Variants in RASL10A observed in about 807,000 individuals in gnomAD.
The protein encoded by RASL10A is ras-like protein family member 10A.
RASL10A carries 13 observed loss-of-function variants against 17.3 expected under a neutral mutation model. That is an observed-to-expected ratio of 0.75 (90% confidence interval 0.49 to 1.20). RASL10A has a LOEUF of 1.20. Ranked by LOEUF, RASL10A falls within the 50% of genes most tolerant of loss-of-function variation. The pLI is 0.00. For synonymous variants in RASL10A, 159 were observed against 142.2 expected (o/e 1.12, Z -0.84); for missense variants, 307 against 310.3 (o/e 0.99, Z 0.08).
Position 29,315,001 on chromosome 22 carries a change from GCCCCTGCCCGCTCCTCGAGCCGCTAC to G in RASL10A, c.219+1_219+26del. ...ACGCACACCCCTCACACTGTCACAC[GCCCCTGCCCGCTCCTCGAGCCGCTAC>G]CTCCGGACCCCCGGGGCTCGAGCCG... On this transcript the variant is annotated splice_donor_variant and splice_donor_5th_base_variant and intron_variant, in intron 1 of 2. Coordinates refer to ENST00000216101, the MANE Select transcript of RASL10A (RefSeq NM_006477.5). LOFTEE classifies it high-confidence loss of function. This position sits in a 1 kb window ranked among gnomAD's most constrained non-coding sequence, Gnocchi z 5.5. 1 of 1,452,328 alleles carries G rather than the reference GCCCCTGCCCGCTCCTCGAGCCGCTAC, an allele frequency of 6.9e-7. No homozygotes were observed. Among genetic ancestry groups the G allele is most frequent in the Non-Finnish European group, 9.1e-7 (1 of 1,104,590 alleles). 90.0% of individuals were successfully genotyped at this position (1,452,328 alleles called of 1,614,324 possible). A position where few individuals can be genotyped will look rare whatever the true frequency, so the allele number is the denominator to read the frequency against.
upstream of RASL10A, among the ~76,000 whole-genome samples, chr22:29,318,322 G>A (rs768780304): frequency 8.5e-5 from 13 of 152,222 alleles, no homozygotes; most frequent in Non-Finnish European, 1.3e-4. Flanking sequence ...TCCCTGGGAC[G>A]CCATGATTGG....
upstream of RASL10A, among the ~76,000 whole-genome samples, chr22:29,318,446 G>T (rs2061462934): frequency 6.6e-6 from 1 of 152,222 alleles, no homozygotes; most frequent in Admixed American, 6.5e-5. Flanking sequence ...TTCTCAGGAA[G>T]TACTCAACTG....
upstream of RASL10A, among the ~76,000 whole-genome samples, chr22:29,316,563 G>A (rs535564287): frequency 1.0e-3 from 157 of 152,256 alleles, 1 homozygote; most frequent in Non-Finnish European, 1.2e-3. Context: ...CCCCTCCCTC[G>A]AGCTAGTGGA....
At chr22:29,314,108 C>T in intron 1 of RASL10A, 121 bp from the exon 2 acceptor site, 1 of 1,358,926 alleles carries the variant, frequency 7.4e-7, no homozygotes, top group South Asian at 1.4e-5. Context: ...ACCTCTGTGC[C>T]CCTCCCCCAA....
intron 1 of RASL10A, 135 bp downstream of exon 1, chr22:29,314,893 C>G (rs748091052): frequency 2.3e-4 from 168 of 732,294 alleles, no homozygotes; most frequent in Non-Finnish European, 3.2e-4. Flanking sequence ...CGCAAGTATC[C>G]CAGGACGCAC....
At chr22:29,318,979 G>A (rs147460594), upstream of RASL10A, among the ~76,000 whole-genome samples, 149 of 152,308 alleles carry the variant, frequency 9.8e-4, no homozygotes, top group African/African-American at 3.5e-3. Flanking sequence ...GTAAGCACCA[G>A]TCCAGCGGGA....
At position 29,313,896 on chromosome 22, in the gene RASL10A, A is replaced by AC; in HGVS notation, c.310dup (p.Val104GlyfsTer157). 2 of 1,613,938 alleles carry AC rather than the reference A, an allele frequency of 1.2e-6. No homozygotes were observed. Among genetic ancestry groups the AC allele is most frequent in the Non-Finnish European group, 1.7e-6 (2 of 1,180,018 alleles). Reference sequence around the variant, plus strand: ...CGCGATGCGCTGCCGCAGGGCCTTCACGTAGTCGAAACTGTCCGGGCTGCA... The same window carrying AC: ...CGCGATGCGCTGCCGCAGGGCCTTCACCGTAGTCGAAACTGTCCGGGCTGCA... On this transcript the variant is annotated frameshift_variant, in exon 2 of 3. Transcript: ENST00000216101. LOFTEE classifies it high-confidence loss of function.
At chr22:29,319,698 A>T (rs2097064235), upstream of RASL10A, 2 of 152,044 alleles carry the variant, frequency 1.3e-5, no homozygotes, top group Non-Finnish European at 2.9e-5. Flanking sequence ...AAAAAATTTT[A>T]AAAATTGGCT....
At chr22:29,317,967 T>C (rs1213110322), upstream of RASL10A, among the ~76,000 whole-genome samples, 1 of 152,032 alleles carries the variant, frequency 6.6e-6, no homozygotes, top group Non-Finnish European at 1.5e-5. Flanking sequence ...GTTTCAGGCA[T>C]GAGCCACTGC....
In RASL10A at chr22:29,315,073, G is replaced by T; in HGVS notation, c.174C>A (p.Arg58=). The change falls in exon 1 of 3, where the codon CGC becomes CGA. Residue 58 remains arginine, a synonymous_variant. Coordinates refer to ENST00000216101, the MANE Select transcript of RASL10A (RefSeq NM_006477.5). This position sits in a 1 kb window ranked among gnomAD's most constrained non-coding sequence, Gnocchi z 5.5. ...LDGAVYDLSI[R]DGDVAGPGSS... Reference sequence around the variant, plus strand: ...AGCCGGGGCCAGCGACGTCGCCGTCGCGGATGCTCAAGTCGTAGACGGCGC... The same window carrying T: ...AGCCGGGGCCAGCGACGTCGCCGTCTCGGATGCTCAAGTCGTAGACGGCGC... The T allele has an allele frequency of 6.6e-7, 1 of 1,521,182 alleles. No homozygotes were observed. The allele number at this position is 1,521,182 out of a possible 1,614,324, so 94.2% of individuals were successfully genotyped here.
Position 29,313,177 on chromosome 22 carries a change from C to T in RASL10A, c.*124G>A, listed in dbSNP as rs1225360831. The T allele has an allele frequency of 4.7e-6, 6 of 1,279,846 alleles. No homozygotes were observed. Among genetic ancestry groups the T allele is most frequent in the Non-Finnish European group, 6.2e-6 (6 of 975,432 alleles). The allele number at this position is 1,279,846 out of a possible 1,614,324, so 79.3% of individuals were successfully genotyped here. A position where few individuals can be genotyped will look rare whatever the true frequency, so the allele number is the denominator to read the frequency against. ...CTTAGGAGACTGGGTTGGAGCTTTC[C>T]TCATCCAATCAGGGCGGAGACTTCC... On this transcript the variant is annotated 3_prime_UTR_variant, in exon 3 of 3. Transcript: ENST00000216101.
intron 1 of RASL10A, among the ~76,000 whole-genome samples, chr22:29,314,765 C>T (rs1486614384): frequency 5.9e-5 from 9 of 152,200 alleles, no homozygotes; most frequent in African/African-American, 2.2e-4. Flanking sequence ...GCTCCACACC[C>T]CCAGCCGAGG....
intron 2 of RASL10A, 104 bp downstream of exon 2, chr22:29,313,758 CT>C: frequency 1.3e-6 from 2 of 1,538,184 alleles, no homozygotes; most frequent in Non-Finnish European, 8.7e-7. Flanking sequence ...GGGCGAAGGC[CT>C]AAGACCCGGC....
chr22:29,313,702 A>G (rs746962385), intron 2 of RASL10A, 134 bp from the exon 3 acceptor site: 137 of 1,404,818 alleles, frequency 9.8e-5, no homozygotes, highest in Non-Finnish European at 1.2e-4. Context: ...ACGAAACCCC[A>G]GGCCCATGTG....
Position 29,315,018 on chromosome 22 carries a change from G to C in RASL10A, c.219+10C>G. ...TGTCACACGCCCCTGCCCGCTCCTC[G>C]AGCCGCTACCTCCGGACCCCCGGGG... On this transcript the variant is annotated intron_variant, in intron 1 of 2. Coordinates refer to ENST00000216101, the MANE Select transcript of RASL10A (RefSeq NM_006477.5). This position sits in a 1 kb window ranked among gnomAD's most constrained non-coding sequence, Gnocchi z 5.5. 3 of 1,492,002 alleles carry C rather than the reference G, an allele frequency of 2.0e-6. No individual in the cohort carries two copies. In the South Asian group the frequency reaches 3.8e-5, roughly 19 times the overall value. The allele number at this position is 1,492,002 out of a possible 1,614,324, so 92.4% of individuals were successfully genotyped here.
intron 2 of RASL10A, 26 bp from the exon 3 acceptor site, chr22:29,313,594 C>G (rs775797409): frequency 1.3e-6 from 2 of 1,509,236 alleles, no homozygotes; most frequent in Non-Finnish European, 1.8e-6. Flanking sequence ...AGATGAGAGA[C>G]GCGGGGACCC....
Position 29,315,145 on chromosome 22 carries a change from C to T in RASL10A, c.102G>A (p.Arg34=), listed in dbSNP as rs1354744099. 1.3e-6 allele frequency: 2 copies of T among 1,532,542 alleles called. No individual in the cohort carries two copies. The highest frequency in any genetic ancestry group is 2.6e-5 in the East Asian group (1 of 38,896). 94.9% of individuals were successfully genotyped at this position (1,532,542 alleles called of 1,614,324 possible). The change falls in exon 1 of 3, where the codon CGG becomes CGA. Residue 34 remains arginine, a synonymous_variant. Transcript: ENST00000216101. The surrounding 1 kb of genome is among the most constrained non-coding windows in gnomAD (Gnocchi z 5.5). ...FLFGDYPERH[R]PTDGPRLYRP... is the part of the protein sequence containing the mutation. ...GGTAGAGGCGCGGCCCGTCCGTGGG[C>T]CGGTGGCGCTCGGGGTAGTCACCGA...
upstream of RASL10A, among the ~76,000 whole-genome samples, chr22:29,315,967 TC>T (rs1408500820): frequency 6.6e-6 from 1 of 152,144 alleles, no homozygotes; most frequent in Non-Finnish European, 1.5e-5. This position sits in a 1 kb window ranked among gnomAD's most constrained non-coding sequence, Gnocchi z 5.5. Flanking sequence ...CCACGCTGGC[TC>T]CCGACAAGCC....
Position 29,315,128 on chromosome 22 carries a change from C to T in RASL10A, c.119G>A (p.Arg40His), listed in dbSNP as rs755872241. ...PERHRPTDGP[R>H]LYRPAVLLDG... ...GAGCAGCACCGCGGGTCGGTAGAGG[C>T]GCGGCCCGTCCGTGGGCCGGTGGCG... The change falls in exon 1 of 3, where the codon CGC (arginine) becomes CAC (histidine). Residue 40 changes from arginine (R) to histidine (H), a missense_variant. Physicochemically the swap from Arg to His is conservative, Grantham distance 29. Transcript: ENST00000216101. This position sits in a 1 kb window ranked among gnomAD's most constrained non-coding sequence, Gnocchi z 5.5. The T allele has an allele frequency of 1.3e-6, 2 of 1,531,038 alleles. No individual in the cohort carries two copies. Among genetic ancestry groups the T allele is most frequent in the East Asian group, 2.6e-5 (1 of 38,996 alleles). The allele number at this position is 1,531,038 out of a possible 1,614,324, so 94.8% of individuals were successfully genotyped here.
Sources: gnomAD v4.1 joint callset for allele counts (sites outside exome capture counted in the v4.1 genomes callset) on GRCh38, gnomAD v4.1.1 for gene constraint, Gnocchi (gnomAD v3.1) non-coding constraint, MANE v1.5 for transcripts, NCBI Gene and HGNC (gene_info 2026-07-23, HGNC 2026-07-21) for gene names.